DHRSX: variants seen among roughly 807,000 people sequenced by gnomAD.
DHRSX encodes polyprenol dehydrogenase.
A neutral mutation model predicts 34.0 loss-of-function variants in DHRSX; 31 were observed. That is an observed-to-expected ratio of 0.91 (90% CI 0.69 to 1.23). The LOEUF (loss-of-function observed/expected upper bound fraction) is 1.23, where lower values mean the gene tolerates loss of function less well. Ranked by LOEUF, DHRSX falls within the 50% of genes most tolerant of loss-of-function variation. The pLI, the probability that DHRSX is intolerant of heterozygous loss-of-function variation, is 0.00. For synonymous variants in DHRSX, 201 were observed against 183.8 expected (o/e 1.09, Z -0.76); for missense variants, 414 against 428.1 (o/e 0.97, Z 0.29).
At chrX:2,319,879 A>G (rs1217819581) in intron 3 of DHRSX, among the ~76,000 whole-genome samples, 1 of 151,988 alleles carries the variant, frequency 6.6e-6, no homozygotes, top group Non-Finnish European at 1.5e-5. Context: ...CCCAGGCTGG[A>G]GTGCGATGGC....
intron 3 of DHRSX, among the ~76,000 whole-genome samples, chrX:2,304,293 GTGGA>G (rs1569485940): frequency 9.5e-5 from 9 of 94,938 alleles, no homozygotes; most frequent in Admixed American, 6.7e-4. Context: ...GGGTGGGTGG[GTGGA>G]TGGATGGATG....
chrX:2,414,830 C>T (rs1383697885), intron 2 of DHRSX, among the ~76,000 whole-genome samples: 2 of 151,884 alleles, frequency 1.3e-5, no homozygotes, highest in Non-Finnish European at 2.9e-5. Flanking sequence ...CCTACCAGAG[C>T]TCATCATAGC....
At chrX:2,286,869 T>C (rs1351932188) in intron 4 of DHRSX, among the ~76,000 whole-genome samples, 1 of 152,236 alleles carries the variant, frequency 6.6e-6, no homozygotes, top group East Asian at 1.9e-4. Flanking sequence ...CAAAGTGTTA[T>C]TTCAAGCCAT....
intron 1 of DHRSX, among the ~76,000 whole-genome samples, chrX:2,479,517 A>G (rs2044737133): frequency 6.6e-6 from 1 of 151,588 alleles, no homozygotes; most frequent in African/African-American, 2.4e-5. Context: ...GACATTCCGT[A>G]AGAATGCGAC....
chrX:2,318,672 C>A (rs780188863), intron 3 of DHRSX, among the ~76,000 whole-genome samples: 1 of 151,702 alleles, frequency 6.6e-6, no homozygotes, highest in African/African-American at 2.4e-5. Flanking sequence ...TTCCCAGAAC[C>A]GCCCACCGGC....
chrX:2,465,060 A>G (rs2044471436), intron 1 of DHRSX, among the ~76,000 whole-genome samples: 1 of 151,550 alleles, frequency 6.6e-6, no homozygotes, highest in Admixed American at 6.6e-5. Flanking sequence ...TTCCCTAGGC[A>G]TATGGCCAAG....
At chrX:2,238,443 T>G (rs73626181) in intron 6 of DHRSX, among the ~76,000 whole-genome samples, 4,142 of 152,154 alleles carry the variant, frequency 0.027, 208 homozygotes, top group African/African-American at 0.094. Context: ...ATCGAGTCCA[T>G]GTGTTCTGAT....
chrX:2,272,532 G>A (rs2041571376), intron 4 of DHRSX, among the ~76,000 whole-genome samples: 1 of 152,182 alleles, frequency 6.6e-6, no homozygotes, highest in Non-Finnish European at 1.5e-5. Flanking sequence ...TAAACACTGT[G>A]TGACTTCCAA....
intron 3 of DHRSX, among the ~76,000 whole-genome samples, chrX:2,347,964 G>C (rs956310979): frequency 6.6e-5 from 10 of 152,042 alleles, no homozygotes; most frequent in African/African-American, 2.4e-4. Context: ...CTTCACTATA[G>C]AGCTGCTGCC....
At chrX:2,500,359 C>G in intron 1 of DHRSX, 1 of 177,300 alleles carries the variant, frequency 5.6e-6, no homozygotes, top group Non-Finnish European at 1.2e-5. Flanking sequence ...CTCCTCCCCT[C>G]CGGGGCCTGG....
chrX:2,451,850 C>G (rs1033541693), intron 1 of DHRSX, among the ~76,000 whole-genome samples: 3 of 152,088 alleles, frequency 2.0e-5, no homozygotes, highest in African/African-American at 7.2e-5. Context: ...GGACTGCTGC[C>G]GTGTACACAC....
chrX:2,263,198 G>A (rs887500850), intron 5 of DHRSX, among the ~76,000 whole-genome samples: 6 of 152,220 alleles, frequency 3.9e-5, no homozygotes, highest in African/African-American at 9.6e-5. Context: ...CTCTGACTGT[G>A]TCTGTCTCCA....
chrX:2,254,589 T>C (rs1298769490), intron 5 of DHRSX, among the ~76,000 whole-genome samples: 1 of 152,178 alleles, frequency 6.6e-6, no homozygotes, highest in Non-Finnish European at 1.5e-5. Context: ...TTTAATATTC[T>C]TGATAACGAT....
At chrX:2,440,448 C>G (rs2044048331) in intron 1 of DHRSX, among the ~76,000 whole-genome samples, 1 of 152,022 alleles carries the variant, frequency 6.6e-6, no homozygotes, top group African/African-American at 2.4e-5. Context: ...GCAATCCACC[C>G]ACCTTGGCCT....
chrX:2,457,649 G>C (rs1358069052), intron 1 of DHRSX, among the ~76,000 whole-genome samples: 2 of 149,806 alleles, frequency 1.3e-5, no homozygotes. Flanking sequence ...CGCCACCGTG[G>C]ACATGCTGAA....
At chrX:2,343,141 T>G (rs1374561393) in intron 3 of DHRSX, among the ~76,000 whole-genome samples, 1 of 152,126 alleles carries the variant, frequency 6.6e-6, no homozygotes, top group Admixed American at 6.6e-5. Flanking sequence ...ACCAGAGATA[T>G]TCAACCCTGC....
chrX:2,265,903 C>T (rs1470223570), intron 5 of DHRSX, among the ~76,000 whole-genome samples: 2 of 127,402 alleles, frequency 1.6e-5, no homozygotes. Flanking sequence ...GGAGCACTGT[C>T]CCCAGAGCAC....
rs771121227 is a variant in DHRSX, at chrX:2,428,659, C to T, written c.110-3355G>A. On this transcript the variant is annotated intron_variant, in intron 1 of 6. Transcript: ENST00000334651. ...AGGGGAGGGAGAGCATTAGGACAAA[C>T]ACCTAATGTAGATGATGGGTTGATG... is the stretch of plus-strand genomic sequence containing the variant. Among the ~76,000 whole-genome samples the T allele has an allele frequency of 4.8e-3, 726 of 152,240 alleles. 7 individuals carry two copies. Among genetic ancestry groups the T allele is most frequent in the African/African-American group, 0.016 (682 of 41,538 alleles).
chrX:2,418,799 T>C (rs769717100), intron 2 of DHRSX, among the ~76,000 whole-genome samples: 4 of 152,206 alleles, frequency 2.6e-5, no homozygotes, highest in African/African-American at 2.4e-5. Flanking sequence ...GTCTGAGATA[T>C]AGAAAGTCCT....
Sources: gnomAD v4.1 joint callset for allele counts (sites outside exome capture counted in the v4.1 genomes callset) on GRCh38, gnomAD v4.1.1 for gene constraint, MANE v1.5 for transcripts, NCBI Gene and HGNC (gene_info 2026-07-23, HGNC 2026-07-21) for gene names.